Variants in EPM2A observed in about 807,000 individuals in gnomAD.
The protein encoded by EPM2A is laforin.
In EPM2A, 21 loss-of-function variants were observed where a neutral mutation model predicts 26.5. The observed-to-expected ratio is 0.79, with a 90% CI of 0.56 to 1.14. The LOEUF is 1.14. Ranked by LOEUF, EPM2A falls within the 50% of genes most tolerant of loss-of-function variation. The pLI is 0.00. For synonymous variants in EPM2A, 217 were observed against 177.6 expected, an observed-to-expected ratio of 1.22 and a Z score of -1.76; for missense variants, 458 against 440.8, an observed-to-expected ratio of 1.04 and a Z score of -0.35.
chr6:145,721,029 GAA>G (rs1775923332), intron 1 of EPM2A: 1 of 152,228 alleles, frequency 6.6e-6, no homozygotes, highest in Non-Finnish European at 1.5e-5. Flanking sequence ...TGGCCATGGT[GAA>G]ACATGCCTGT....
intron 2 of EPM2A, among the ~76,000 whole-genome samples, chr6:145,681,821 A>C (rs958797828): frequency 6.6e-6 from 1 of 152,160 alleles, no homozygotes; most frequent in Non-Finnish European, 1.5e-5. Context: ...GAATATTGAG[A>C]AGTACCAGAA....
chr6:145,489,262 T>C (rs1779724813), intron 4 of EPM2A, among the ~76,000 whole-genome samples: 1 of 152,204 alleles, frequency 6.6e-6, no homozygotes, highest in South Asian at 2.1e-4. Flanking sequence ...ACTTGTATTC[T>C]AATGATTTAA....
chr6:145,705,657 A>G, intron 1 of EPM2A: 1 of 434,544 alleles, frequency 2.3e-6, no homozygotes, highest in Non-Finnish European at 4.6e-6. Flanking sequence ...CATCATCTTC[A>G]TGCTGACCAT....
intron 4 of EPM2A, among the ~76,000 whole-genome samples, chr6:145,479,926 C>A (rs969168765): frequency 1.3e-5 from 2 of 151,912 alleles, no homozygotes; most frequent in African/African-American, 4.8e-5. Flanking sequence ...TTTTTATTTT[C>A]TTTTTTAAAG....
intron 2 of EPM2A, among the ~76,000 whole-genome samples, chr6:145,599,868 C>T (rs1781394167): frequency 6.6e-6 from 1 of 151,982 alleles, no homozygotes; most frequent in Non-Finnish European, 1.5e-5. Context: ...AAATTTCCCT[C>T]TATATTCTTT....
chr6:145,418,588 G>A (rs944329778), intron 4 of EPM2A, among the ~76,000 whole-genome samples: 2 of 152,282 alleles, frequency 1.3e-5, no homozygotes, highest in Non-Finnish European at 1.5e-5. Flanking sequence ...GGGGCCACCC[G>A]CTACCAGTTC....
chr6:145,589,699 G>T (rs1401796984), intron 2 of EPM2A, among the ~76,000 whole-genome samples: 5 of 152,000 alleles, frequency 3.3e-5, no homozygotes, highest in African/African-American at 1.2e-4. Context: ...GGAAGATGGC[G>T]AGGACCTCAA....
At chr6:145,683,308 A>AT (rs1562485430) in intron 2 of EPM2A, among the ~76,000 whole-genome samples, 1 of 135,722 alleles carries the variant, frequency 7.4e-6, no homozygotes, top group Non-Finnish European at 1.6e-5. Context: ...TGTGTGTGTG[A>AT]GTGTGTATAT....
At chr6:145,725,958 G>C (rs1215302461) in intron 1 of EPM2A, among the ~76,000 whole-genome samples, 4 of 151,820 alleles carry the variant, frequency 2.6e-5, no homozygotes, top group Non-Finnish European at 5.9e-5. Context: ...AGCTAAGAAG[G>C]CCTACAAGCA....
chr6:145,613,706 G>T (rs187992363), intron 2 of EPM2A, among the ~76,000 whole-genome samples: 5 of 152,098 alleles, frequency 3.3e-5, no homozygotes, highest in African/African-American at 1.2e-4. Flanking sequence ...ATAAGCATTT[G>T]TATTTGGAAA....
intron 2 of EPM2A, among the ~76,000 whole-genome samples, chr6:145,671,856 C>T (rs1779670486): frequency 6.6e-6 from 1 of 152,148 alleles, no homozygotes; most frequent in Non-Finnish European, 1.5e-5. Flanking sequence ...AATACATTTT[C>T]TAAACTGTAA....
chr6:145,505,984 G>A (rs1779967309), intron 2 of EPM2A, among the ~76,000 whole-genome samples: 1 of 152,172 alleles, frequency 6.6e-6, no homozygotes, highest in Admixed American at 6.5e-5. Flanking sequence ...TACTTGGACA[G>A]AAAGCCAGCC....
At chr6:145,687,005 T>A (rs1780967719) in intron 1 of EPM2A, 1 of 152,354 alleles carries the variant, frequency 6.6e-6, no homozygotes, top group Non-Finnish European at 1.5e-5. Context: ...GGGCCATGGA[T>A]CAAAGGAAGC....
At chr6:145,579,668 CACTT>C (rs1471436605) in intron 2 of EPM2A, among the ~76,000 whole-genome samples, 1 of 152,080 alleles carries the variant, frequency 6.6e-6, no homozygotes, top group Non-Finnish European at 1.5e-5. Context: ...ATATTAAGCT[CACTT>C]ACATTTATTG....
chr6:145,508,755 G>C (rs1780013525), intron 2 of EPM2A, among the ~76,000 whole-genome samples: 1 of 152,314 alleles, frequency 6.6e-6, no homozygotes, highest in Non-Finnish European at 1.5e-5. Flanking sequence ...AGAATGAAAT[G>C]TCTGAAATGA....
chr6:145,735,137 G>A (rs942256300), intron 1 of EPM2A, 61 bp downstream of exon 1: 2 of 1,327,576 alleles, frequency 1.5e-6, no homozygotes, highest in Non-Finnish European at 2.0e-6. Context: ...CCGAGGCCCC[G>A]GTTGGGGGTG....
At chr6:145,409,228 C>T (rs1562323955) in intron 4 of EPM2A, among the ~76,000 whole-genome samples, 1 of 151,944 alleles carries the variant, frequency 6.6e-6, no homozygotes, top group Non-Finnish European at 1.5e-5. Context: ...TTTATTAAGT[C>T]CTTTCACACA....
chr6:145,497,869 G>T (rs966052074), downstream of EPM2A, among the ~76,000 whole-genome samples: 1 of 152,248 alleles, frequency 6.6e-6, no homozygotes, highest in Non-Finnish European at 1.5e-5. Flanking sequence ...TTCTGCCCCA[G>T]TAGGCTTGGG....
intron 2 of EPM2A, among the ~76,000 whole-genome samples, chr6:145,558,940 C>T (rs1479286274): frequency 2.6e-5 from 4 of 152,018 alleles, no homozygotes; most frequent in East Asian, 1.9e-4. Flanking sequence ...GCTGGTGCAT[C>T]AAGTTCCATC....
Sources: allele counts gnomAD v4.1 joint callset (sites outside exome capture counted in the v4.1 genomes callset), GRCh38; gene constraint gnomAD v4.1.1; transcripts MANE v1.5; gene names NCBI Gene and HGNC (gene_info 2026-07-23, HGNC 2026-07-21).